MBD5: variants seen among roughly 807,000 people sequenced by gnomAD.
MBD5 encodes methyl-CpG binding domain protein 5.
A neutral mutation model predicts 117.3 loss-of-function variants in MBD5; 13 were observed. That is an observed-to-expected ratio of 0.11 (90% CI 0.07 to 0.18). The LOEUF (loss-of-function observed/expected upper bound fraction) is 0.18, where lower values mean the gene tolerates loss of function less well. Among genes scored for constraint, MBD5 ranks in the 10% least tolerant of loss-of-function variants. MBD5 has a pLI of 1.00. For synonymous variants in MBD5, 727 were observed against 766.4 expected (o/e 0.95, Z 0.85); for missense variants, 1,879 against 2,093.8 (o/e 0.90, Z 2.00).
chr2:148,370,081 A>C (rs1004909040), intron 4 of MBD5, among the ~76,000 whole-genome samples: 9 of 152,150 alleles, frequency 5.9e-5, no homozygotes, highest in Non-Finnish European at 8.8e-5. Flanking sequence ...TCATCACTTT[A>C]TAAAGGTGAT....
intron 8 of MBD5, among the ~76,000 whole-genome samples, chr2:148,479,984 G>A (rs1223857608): frequency 2.0e-5 from 3 of 151,990 alleles, no homozygotes; most frequent in Non-Finnish European, 4.4e-5. Context: ...GAAAAAGACA[G>A]AGAGATTTCT....
intron 12 of MBD5, among the ~76,000 whole-genome samples, chr2:148,504,961 G>A (rs532319407): frequency 6.6e-6 from 1 of 152,266 alleles, no homozygotes; most frequent in Non-Finnish European, 1.5e-5. Flanking sequence ...AGGTATGGCC[G>A]TGTACAAGGA....
intron 1 of MBD5, among the ~76,000 whole-genome samples, chr2:148,110,533 T>C (rs1696482362): frequency 1.3e-5 from 2 of 152,178 alleles, no homozygotes; most frequent in Non-Finnish European, 2.9e-5. Context: ...TTTTAAGATC[T>C]TTTTCCTTAG....
chr2:148,384,834 C>G (rs1215333531), intron 4 of MBD5, among the ~76,000 whole-genome samples: 1 of 151,740 alleles, frequency 6.6e-6, no homozygotes, highest in Non-Finnish European at 1.5e-5. Context: ...TGATCTTTGA[C>G]AAACCTGAGA....
At chr2:148,330,262 T>C (rs1702610031) in intron 3 of MBD5, among the ~76,000 whole-genome samples, 1 of 152,084 alleles carries the variant, frequency 6.6e-6, no homozygotes, top group African/African-American at 2.4e-5. Flanking sequence ...TGAGCATCAT[T>C]GGCCCTGATT....
intron 1 of MBD5, among the ~76,000 whole-genome samples, chr2:148,056,749 A>G (rs1253739496): frequency 6.6e-6 from 1 of 151,978 alleles, no homozygotes; most frequent in African/African-American, 2.4e-5. Context: ...TGCCCTTTTT[A>G]AAAAATGAGT....
intron 4 of MBD5, among the ~76,000 whole-genome samples, chr2:148,442,036 T>C (rs1164796421): frequency 6.6e-6 from 1 of 152,058 alleles, no homozygotes; most frequent in East Asian, 1.9e-4. Context: ...ATTGCAAAAA[T>C]TTTCTCCTAT....
chr2:148,157,738 T>C (rs997573032), intron 1 of MBD5, among the ~76,000 whole-genome samples: 1 of 152,192 alleles, frequency 6.6e-6, no homozygotes, highest in Admixed American at 6.5e-5. Context: ...CTATCAAAGA[T>C]TTTTTATTTT....
At position 148,335,774 on chromosome 2, in the gene MBD5, G is replaced by A. The variant is rs139779911; in HGVS notation, c.-679-6440G>A. On this transcript the variant is annotated intron_variant, in intron 3 of 13. Transcript: ENST00000642680. ...AAATAAATAAACTTTAGAGAAAGAA[G>A]ATAGGTCCACCCACCATGAGCCAGA... 1.1e-3 allele frequency among the ~76,000 whole-genome samples: 174 copies of A among 152,050 alleles called. 3 individuals carry two copies. Among genetic ancestry groups the A allele is most frequent in the Admixed American group, 9.6e-3 (147 of 15,266 alleles).
chr2:148,334,165 A>C (rs1702729456), intron 3 of MBD5, among the ~76,000 whole-genome samples: 1 of 152,004 alleles, frequency 6.6e-6, no homozygotes, highest in South Asian at 2.1e-4. Context: ...ACCAATTCCT[A>C]AGTCTTTTGG....
chr2:148,179,070 TC>T (rs1263367206), intron 2 of MBD5, among the ~76,000 whole-genome samples: 1 of 152,108 alleles, frequency 6.6e-6, no homozygotes, highest in Admixed American at 6.5e-5. Context: ...AAAAGTAACT[TC>T]TGGCCGGGCG....
chr2:148,162,467 G>A (rs1225316278), intron 1 of MBD5, among the ~76,000 whole-genome samples: 2 of 152,162 alleles, frequency 1.3e-5, no homozygotes, highest in Non-Finnish European at 2.9e-5. Context: ...ATGATAAATT[G>A]TTTAGAAAAA....
At chr2:148,224,386 A>G (rs896742018) in intron 2 of MBD5, among the ~76,000 whole-genome samples, 3 of 152,014 alleles carry the variant, frequency 2.0e-5, no homozygotes, top group African/African-American at 7.3e-5. Flanking sequence ...CTCCGTCACC[A>G]GGCTGGAGTG....
chr2:148,402,307 A>G (rs1704947633), intron 4 of MBD5, among the ~76,000 whole-genome samples: 1 of 151,896 alleles, frequency 6.6e-6, no homozygotes, highest in South Asian at 2.1e-4. Flanking sequence ...TATTTCCTTC[A>G]TTCCTCCTAC....
intron 2 of MBD5, among the ~76,000 whole-genome samples, chr2:148,203,102 C>A: frequency 1.6e-5 from 2 of 123,864 alleles, no homozygotes; most frequent in Admixed American, 1.7e-4. Context: ...GAGACTCCAT[C>A]TCAAAAAAAA....
At chr2:148,214,261 T>C (rs1699498990) in intron 2 of MBD5, among the ~76,000 whole-genome samples, 1 of 152,204 alleles carries the variant, frequency 6.6e-6, no homozygotes, top group South Asian at 2.1e-4. Flanking sequence ...TTTGCTTTTG[T>C]AGTGTGAAAG....
intron 3 of MBD5, among the ~76,000 whole-genome samples, chr2:148,243,110 G>A (rs1228136294): frequency 6.6e-6 from 1 of 150,462 alleles, no homozygotes; most frequent in Non-Finnish European, 1.5e-5. Context: ...AGCATGAATT[G>A]CTACATATCT....
intron 1 of MBD5, among the ~76,000 whole-genome samples, chr2:148,114,014 T>A (rs563921661): frequency 6.6e-6 from 1 of 152,352 alleles, no homozygotes; most frequent in South Asian, 2.1e-4. Flanking sequence ...CTGTATAATA[T>A]TGTATATTTG....
chr2:148,160,156 T>C (rs1697972055), intron 1 of MBD5, among the ~76,000 whole-genome samples: 1 of 152,020 alleles, frequency 6.6e-6, no homozygotes, highest in South Asian at 2.1e-4. Context: ...TCCCAGCACT[T>C]TGGGAGGCCG....
Sources: gnomAD v4.1 joint callset for allele counts (sites outside exome capture counted in the v4.1 genomes callset) on GRCh38, gnomAD v4.1.1 for gene constraint, MANE v1.5 for transcripts, NCBI Gene and HGNC (gene_info 2026-07-23, HGNC 2026-07-21) for gene names.